Variants in LDB1 observed in about 807,000 individuals in gnomAD.
The protein encoded by LDB1 is LIM domain binding 1, also known as LIM domain-binding protein 1.
Under a neutral mutation model 49.7 loss-of-function variants are expected in LDB1, and 6 were observed. The ratio of observed to expected loss-of-function variants is 0.12; its 90% CI spans 0.07 to 0.24. The LOEUF (loss-of-function observed/expected upper bound fraction) is 0.24, where lower values mean the gene tolerates loss of function less well. Ranked by LOEUF, LDB1 falls within the 10% of genes least tolerant of loss-of-function variation. The probability of loss-of-function intolerance (pLI) is 1.00; values close to 1 mark genes in which losing one functional copy is unlikely to be tolerated. For synonymous variants in LDB1, 233 were observed against 202.0 expected (o/e 1.15, Z -1.30); for missense variants, 341 against 561.7 (o/e 0.61, Z 3.97).
chr10:102,103,308 G>C (rs1207238322), downstream of LDB1, among the ~76,000 whole-genome samples: 1 of 146,466 alleles, frequency 6.8e-6, no homozygotes, highest in African/African-American at 2.6e-5. Flanking sequence ...GAGTACAGGC[G>C]TTCTGAACCA....
Position 102,106,541 on chromosome 10 carries a change from CAAAAAAAAAAAAAAAAAAAAA to C in LDB1, c.*1531_*1551del, listed in dbSNP as rs558516308. Among the ~76,000 whole-genome samples the C allele has an allele frequency of 5.9e-3, 105 of 17,780 alleles. No homozygotes were observed. The highest frequency in any genetic ancestry group is 0.026 in the South Asian group (13 of 492). 11.7% of individuals were successfully genotyped at this position (17,780 alleles called of 152,430 possible). A position where few individuals can be genotyped will look rare whatever the true frequency, so the allele number is the denominator to read the frequency against. On this transcript the variant is annotated 3_prime_UTR_variant, in exon 11 of 11. Coordinates refer to ENST00000673968, the MANE Select transcript of LDB1 (RefSeq NM_001113407.3). Reference sequence around the variant, plus strand: ...GGTACCATACATGACTCAAATGGCCCAAAAAAAAAAAAAAAAAAAAAAAAAAAAAAAAAAAAAAAAAAAGGC... The same window carrying C: ...GGTACCATACATGACTCAAATGGCCCAAAAAAAAAAAAAAAAAAAAAAGGC...
rs2068344561 is a variant in LDB1, at chr10:102,117,110, C to T, written c.25+2976G>A. ...CCTTCCCCCTCCAGGCCTCAAATCA[C>T]TGTCCTCATGGGGAGGGGGAAATGT... On this transcript the variant is annotated intron_variant, in intron 1 of 10. Coordinates refer to ENST00000673968, the MANE Select transcript of LDB1 (RefSeq NM_001113407.3). The surrounding 1 kb of genome is among the most constrained non-coding windows in gnomAD (Gnocchi z 4.2). 1.3e-5 allele frequency among the ~76,000 whole-genome samples: 2 copies of T among 152,136 alleles called. No homozygotes were observed. The highest frequency in any genetic ancestry group is 4.8e-5 in the African/African-American group (2 of 41,422).
chr10:102,114,403 T>C (rs2068302132), intron 1 of LDB1: 1 of 986,080 alleles, frequency 1.0e-6, no homozygotes, highest in Non-Finnish European at 1.2e-6. Flanking sequence ...TGCCCAGACT[T>C]ACCTGGGAGA....
At chr10:102,106,394 G>A (rs1019216746), downstream of LDB1, among the ~76,000 whole-genome samples, 2 of 151,518 alleles carry the variant, frequency 1.3e-5, no homozygotes, top group African/African-American at 4.9e-5. Flanking sequence ...GGTGAGTGAA[G>A]GGATCCAATT....
At chr10:102,108,467 T>TCCTGACA in intron 10 of LDB1, 144 bp from the exon 11 acceptor site, 1 of 624,544 alleles carries the variant, frequency 1.6e-6, no homozygotes, top group Non-Finnish European at 2.8e-6. Flanking sequence ...AAACCCCAAC[T>TCCTGACA]CCTGACACCC....
chr10:102,108,869 C>T, intron 10 of LDB1, 160 bp downstream of exon 10: 2 of 938,876 alleles, frequency 2.1e-6, no homozygotes, highest in Non-Finnish European at 3.3e-6. Context: ...AAGTGCCTGA[C>T]AAGAACTCTC....
At chr10:102,120,847 T>A (rs2068411455), upstream of LDB1, among the ~76,000 whole-genome samples, 1 of 151,418 alleles carries the variant, frequency 6.6e-6, no homozygotes, top group African/African-American at 2.4e-5. Flanking sequence ...GTGGTGTATC[T>A]CTCTCCACCC....
At chr10:102,108,476 C>T (rs1422452864) in intron 10 of LDB1, among the ~76,000 whole-genome samples, 153 bp from the exon 11 acceptor site, 1 of 152,090 alleles carries the variant, frequency 6.6e-6, no homozygotes, top group Non-Finnish European at 1.5e-5. Context: ...CTCCTGACAC[C>T]CTCAGCTCCT....
downstream of LDB1, among the ~76,000 whole-genome samples, chr10:102,104,265 C>G (rs1015380450): frequency 3.9e-5 from 6 of 152,090 alleles, no homozygotes; most frequent in African/African-American, 1.4e-4. Context: ...CTCTGTGGAT[C>G]CAGAAGCCCT....
intron 10 of LDB1, among the ~76,000 whole-genome samples, chr10:102,108,665 T>G (rs2068204945): frequency 6.6e-6 from 1 of 152,148 alleles, no homozygotes; most frequent in South Asian, 2.1e-4. Context: ...GGGAGGGCAG[T>G]GTGTGCATGT....
In LDB1 at chr10:102,120,236, C is replaced by CCTCGGCCCGGT; in HGVS notation, c.-137_-127dup. 1.0e-6 allele frequency: 1 copy of CCTCGGCCCGGT among 983,276 alleles called. No individual in the cohort carries two copies. The highest frequency in any genetic ancestry group is 1.2e-6 in the Non-Finnish European group (1 of 829,326). 60.9% of individuals were successfully genotyped at this position (983,276 alleles called of 1,614,324 possible). A position where few individuals can be genotyped will look rare whatever the true frequency, so the allele number is the denominator to read the frequency against. ...TGCGCTCGCCGCCGGCCCGGCCCGG[C>CCTCGGCCCGGT]CTCGGCCCGGTGCGGGCGGCCCCTG... On this transcript the variant is annotated 5_prime_UTR_variant, in exon 1 of 11. Transcript: ENST00000673968.
At chr10:102,121,315 C>A (rs2068418452), upstream of LDB1, among the ~76,000 whole-genome samples, 2 of 152,286 alleles carry the variant, frequency 1.3e-5, no homozygotes, top group South Asian at 2.1e-4. Flanking sequence ...CGCCTCCGAC[C>A]CCCCTGCCTG....
chr10:102,102,419 A>G (rs936664206), downstream of LDB1, among the ~76,000 whole-genome samples: 1 of 152,260 alleles, frequency 6.6e-6, no homozygotes, highest in Non-Finnish European at 1.5e-5. Flanking sequence ...TTCTCCCCCA[A>G]GCTCCTTTGG....
At chr10:102,110,069 G>A (rs1164542195) in intron 6 of LDB1, 26 bp from the exon 7 acceptor site, 3 of 1,604,454 alleles carry the variant, frequency 1.9e-6, no homozygotes, top group East Asian at 4.5e-5. Context: ...TCAGAACCCT[G>A]CCCCCTCCCC....
rs566056109 is a variant in LDB1, at chr10:102,112,356, C to T, written c.26-820G>A. 2.4e-4 allele frequency among the ~76,000 whole-genome samples: 37 copies of T among 152,322 alleles called. 1 individual carries two copies. In the South Asian group the frequency reaches 7.5e-3, roughly 31 times the overall value. The stretch of plus-strand genomic sequence containing the variant: ...TCAAAGCTAGGACTTGAGCTTGGAT[C>T]TTCTGATTCCCACATCCTATACTCT... On this transcript the variant is annotated intron_variant, in intron 1 of 10. Coordinates refer to ENST00000673968, the MANE Select transcript of LDB1 (RefSeq NM_001113407.3).
chr10:102,108,919 T>C, intron 10 of LDB1, 110 bp downstream of exon 10: 1 of 1,413,658 alleles, frequency 7.1e-7, no homozygotes, highest in South Asian at 1.2e-5. Context: ...GCAGAGTACA[T>C]GAGAAAAACT....
At chr10:102,104,955 G>A (rs1254158235), downstream of LDB1, among the ~76,000 whole-genome samples, 5 of 152,084 alleles carry the variant, frequency 3.3e-5, no homozygotes, top group Admixed American at 1.3e-4. Flanking sequence ...AGTACCTAAA[G>A]AGGGCTCAAT....
chr10:102,110,716 C>A lies in LDB1; in HGVS notation c.353-15G>T. ...CCGGCCAATGGCTGTAGAGATGGGA[C>A]AAACTCTTCAGGACAAAGGGACCGC... On this transcript the variant is annotated splice_polypyrimidine_tract_variant and intron_variant, in intron 5 of 10. Transcript: ENST00000673968. The A allele has an allele frequency of 6.2e-7, 1 of 1,609,238 alleles. No individual in the cohort carries two copies. The highest frequency in any genetic ancestry group is 2.2e-5 in the East Asian group (1 of 44,842).
chr10:102,104,773 C>A (rs1473640375), downstream of LDB1, among the ~76,000 whole-genome samples: 2 of 152,112 alleles, frequency 1.3e-5, no homozygotes, highest in African/African-American at 2.4e-5. Flanking sequence ...AATACCCAAC[C>A]GAGTCACACA....
Sources: allele counts gnomAD v4.1 joint callset (sites outside exome capture counted in the v4.1 genomes callset), GRCh38; gene constraint gnomAD v4.1.1; non-coding constraint Gnocchi (gnomAD v3.1); transcripts MANE v1.5; gene names NCBI Gene and HGNC (gene_info 2026-07-23, HGNC 2026-07-21).